Variants in ARID3A observed in about 807,000 individuals in gnomAD.
ARID3A encodes the protein AT-rich interactive domain-containing protein 3A.
In ARID3A, 11 loss-of-function variants were observed where a neutral mutation model predicts 52.7. That is an observed-to-expected ratio of 0.21 (90% CI 0.13 to 0.35). The LOEUF (loss-of-function observed/expected upper bound fraction) is 0.35. ARID3A is among the 10% of genes least tolerant of loss of function. ARID3A has a pLI of 1.00. For missense variants in ARID3A, 721 were observed against 838.5 expected, an observed-to-expected ratio of 0.86 and a Z score of 1.73; for synonymous variants, 404 against 359.4, an observed-to-expected ratio of 1.12 and a Z score of -1.40.
At position 960,803 on chromosome 19, in the gene ARID3A, C is replaced by T. The variant is rs147222324; in HGVS notation, c.766+639C>T. Among the ~76,000 whole-genome samples the T allele has an allele frequency of 1.7e-3, 258 of 152,276 alleles. No individual in the cohort carries two copies. The highest frequency in any genetic ancestry group is 3.0e-3 in the Non-Finnish European group (204 of 68,022). The stretch of plus-strand genomic sequence containing the variant: ...ACTGTGCACACTTATTGGGCACCAA[C>T]GGTATACCAGGCTCTGTGCCCCCAA... On this transcript the variant is annotated intron_variant, in intron 4 of 8. Transcript: ENST00000263620. The surrounding 1 kb of genome is among the most constrained non-coding windows in gnomAD (Gnocchi z 4.3).
intron 3 of ARID3A, among the ~76,000 whole-genome samples, chr19:954,447 C>T (rs1458608367): frequency 5.9e-5 from 9 of 152,250 alleles, no homozygotes; most frequent in Non-Finnish European, 1.3e-4. Context: ...TTCTTGGCAT[C>T]GCACTGAGAA....
chr19:933,854 G>GGC (rs1555726134), intron 3 of ARID3A, among the ~76,000 whole-genome samples: 4 of 148,768 alleles, frequency 2.7e-5, no homozygotes, highest in Non-Finnish European at 6.0e-5. Context: ...GGTGGGGGGG[G>GGC]GGGGCGTCTC....
chr19:961,193 G>A (rs1180100494), intron 4 of ARID3A, among the ~76,000 whole-genome samples: 2 of 152,166 alleles, frequency 1.3e-5, no homozygotes, highest in African/African-American at 4.8e-5. Context: ...CTCTGTCCCT[G>A]CACTTGGGGC....
chr19:934,263 C>G (rs968458171), intron 3 of ARID3A, among the ~76,000 whole-genome samples: 3 of 152,154 alleles, frequency 2.0e-5, no homozygotes, highest in African/African-American at 4.8e-5. Flanking sequence ...ATGGGACCCC[C>G]TGACCCTGGA....
intron 1 of ARID3A, among the ~76,000 whole-genome samples, chr19:927,929 GACTC>G (rs35373893): frequency 0.47 from 71,262 of 151,824 alleles, 19,437 homozygotes; most frequent in Non-Finnish European, 0.62. Flanking sequence ...GGGGCCGAAA[GACTC>G]AGGGGTCTGG....
chr19:926,650 C>G, intron 1 of ARID3A, among the ~76,000 whole-genome samples: 1 of 151,464 alleles, frequency 6.6e-6, no homozygotes, highest in East Asian at 2.0e-4. Flanking sequence ...CAGAGAGGGG[C>G]CCCCGGGGGA....
intron 3 of ARID3A, among the ~76,000 whole-genome samples, chr19:952,196 G>C (rs1194395553): frequency 1.3e-5 from 2 of 151,870 alleles, no homozygotes; most frequent in Non-Finnish European, 2.9e-5. Flanking sequence ...CAGAATCCCA[G>C]CACTCTGGGA....
At chr19:943,049 G>A (rs900938274) in intron 3 of ARID3A, among the ~76,000 whole-genome samples, 2 of 152,072 alleles carry the variant, frequency 1.3e-5, no homozygotes, top group African/African-American at 4.8e-5. Context: ...CGGGAGTTTC[G>A]CTTGAGCCCA....
intron 3 of ARID3A, among the ~76,000 whole-genome samples, chr19:954,080 G>A (rs1174633850): frequency 2.6e-5 from 4 of 152,144 alleles, no homozygotes; most frequent in African/African-American, 9.7e-5. Flanking sequence ...AGGCCGGGGC[G>A]GAGGGAGCAG....
chr19:965,661 T>C (rs2038133032), intron 6 of ARID3A, among the ~76,000 whole-genome samples: 1 of 152,076 alleles, frequency 6.6e-6, no homozygotes, highest in African/African-American at 2.4e-5. Flanking sequence ...ACCACTGCAC[T>C]ACAGCCTGAG....
In ARID3A at chr19:929,389, T is replaced by A; in HGVS notation, c.-140T>A. ...CCCCCGCCCCCGCCCCCTGCCACCCTGCACTGCCCCGGCTCCCCCGCGGCC... is the reference window on the plus strand; with the variant it reads ...CCCCCGCCCCCGCCCCCTGCCACCCAGCACTGCCCCGGCTCCCCCGCGGCC... On this transcript the variant is annotated 5_prime_UTR_variant, in exon 2 of 9. Coordinates refer to ENST00000263620, the MANE Select transcript of ARID3A (RefSeq NM_005224.3). This position sits in a 1 kb window ranked among gnomAD's most constrained non-coding sequence, Gnocchi z 6.2. 2.2e-4 allele frequency: 82 copies of A among 365,324 alleles called. No homozygotes were observed. The highest frequency in any genetic ancestry group is 2.9e-4 in the Non-Finnish European group (75 of 262,666). The allele number at this position is 365,324 out of a possible 1,614,324, so 22.6% of individuals were successfully genotyped here. A position where few individuals can be genotyped will look rare whatever the true frequency, so the allele number is the denominator to read the frequency against.
chr19:931,609 G>A (rs1339108653), intron 2 of ARID3A, among the ~76,000 whole-genome samples: 1 of 152,078 alleles, frequency 6.6e-6, no homozygotes, highest in Non-Finnish European at 1.5e-5. Context: ...TCAGGAGATC[G>A]AGACCATCCT....
chr19:958,956 A>G (rs916418532), intron 3 of ARID3A, among the ~76,000 whole-genome samples: 1 of 152,126 alleles, frequency 6.6e-6, no homozygotes, highest in Non-Finnish European at 1.5e-5. Context: ...ACGCACAGAC[A>G]CTCATGCTCA....
At chr19:958,588 C>T (rs757125228) in intron 3 of ARID3A, among the ~76,000 whole-genome samples, 1 of 152,080 alleles carries the variant, frequency 6.6e-6, no homozygotes, top group African/African-American at 2.4e-5. Flanking sequence ...GCAGATGGGA[C>T]GGTGGTCCCA....
At chr19:956,269 C>T (rs374618229) in intron 3 of ARID3A, among the ~76,000 whole-genome samples, 17 of 152,314 alleles carry the variant, frequency 1.1e-4, no homozygotes, top group African/African-American at 3.8e-4. Flanking sequence ...CCCTGTCCCC[C>T]TCTCCGCCCT....
chr19:948,250 G>A (rs974851412), intron 3 of ARID3A, among the ~76,000 whole-genome samples: 1 of 151,358 alleles, frequency 6.6e-6, no homozygotes, highest in African/African-American at 2.4e-5. Context: ...GATAGTCCAG[G>A]ACACACAGGA....
intron 3 of ARID3A, among the ~76,000 whole-genome samples, chr19:951,427 G>C (rs1307437153): frequency 6.6e-6 from 1 of 151,980 alleles, no homozygotes; most frequent in African/African-American, 2.4e-5. Context: ...AGTGGTGGCA[G>C]GTGCCTGTGG....
In ARID3A at chr19:973,106, T is replaced by C. The variant is rs76086874; in HGVS notation, c.*1041T>C. 171 of 57,950 alleles carry C rather than the reference T, an allele frequency of 3.0e-3. 2 individuals are homozygous for C. The highest frequency in any genetic ancestry group is 5.6e-3 in the Middle Eastern group (1 of 178). The allele number at this position is 57,950 out of a possible 1,614,324, so 3.6% of individuals were successfully genotyped here. On this transcript the variant is annotated 3_prime_UTR_variant, in exon 9 of 9. Coordinates refer to ENST00000263620, the MANE Select transcript of ARID3A (RefSeq NM_005224.3). ...GCTCTCGAGTCAGGGGCCTGGAAATTTTTTTTTTTTTTTTTTTTTGAGACG... is the reference window on the plus strand; with the variant it reads ...GCTCTCGAGTCAGGGGCCTGGAAATCTTTTTTTTTTTTTTTTTTTGAGACG...
chr19:953,377 C>T (rs954877867), intron 3 of ARID3A, among the ~76,000 whole-genome samples: 5 of 152,034 alleles, frequency 3.3e-5, no homozygotes, highest in East Asian at 1.9e-4. Flanking sequence ...CGCCACCACC[C>T]GAGCCCCGCC....
Sources: gnomAD v4.1 joint callset for allele counts (sites outside exome capture counted in the v4.1 genomes callset) on GRCh38, gnomAD v4.1.1 for gene constraint, Gnocchi (gnomAD v3.1) non-coding constraint, MANE v1.5 for transcripts, NCBI Gene and HGNC (gene_info 2026-07-23, HGNC 2026-07-21) for gene names.